The following MFNG variants were observed in gnomAD, a reference collection of about 807,000 sequenced individuals.
MFNG encodes beta-1,3-N-acetylglucosaminyltransferase manic fringe.
Under a neutral mutation model 34.2 loss-of-function variants are expected in MFNG, and 24 were observed. The observed-to-expected ratio is 0.70, with a 90% CI of 0.51 to 0.99. MFNG has a LOEUF of 0.99. Among genes scored for constraint, MFNG ranks in the 50% least tolerant of loss-of-function variants. The pLI is 0.00. For missense variants in MFNG, 383 were observed against 424.0 expected, an observed-to-expected ratio of 0.90 and a Z score of 0.85; for synonymous variants, 158 against 179.2, an observed-to-expected ratio of 0.88 and a Z score of 0.94.
At position 37,483,050 on chromosome 22, in the gene MFNG, C is replaced by T. The variant is rs959310651; in HGVS notation, c.256-2281G>A. On this transcript the variant is annotated intron_variant, in intron 1 of 7. Transcript: ENST00000356998. The surrounding 1 kb of genome is among the most constrained non-coding windows in gnomAD (Gnocchi z 4.5). ...ACTGTCAAATCCCCTGAAACCATGA[C>T]GTCTCCTGGGGGCTTAACACATCAA... Among the ~76,000 whole-genome samples, 5 of 152,166 alleles carry T rather than the reference C, an allele frequency of 3.3e-5. No individual in the cohort carries two copies. Among genetic ancestry groups the T allele is most frequent in the African/African-American group, 1.2e-4 (5 of 41,440 alleles).
Position 37,474,493 on chromosome 22 carries a change from GC to G in MFNG, c.813+18del, listed in dbSNP as rs779026614. 6.8e-6 allele frequency: 11 copies of G among 1,612,438 alleles called. No individual in the cohort carries two copies. The Admixed American group carries it at 1.7e-4, about 24-fold the overall frequency. ...TGGTTCCCCTTCCCATTTGCCACCT[GC>G]CCCCAAGGCCAGCTCACCTGTTCTG... On this transcript the variant is annotated intron_variant, in intron 6 of 7. Transcript: ENST00000356998.
At position 37,485,749 on chromosome 22, in the gene MFNG, CCG is replaced by C. The variant is rs1922518569; in HGVS notation, c.255+172_255+173del. Among the ~76,000 whole-genome samples the C allele has an allele frequency of 6.6e-6, 1 of 152,204 alleles. No homozygotes were observed. The highest frequency in any genetic ancestry group is 2.4e-5 in the African/African-American group (1 of 41,448). ...GGACCAGTACAGGGCACGGGCAGGG[CCG>C]CAGGCAGCCCCTAAAGCCCGGAAGA... On this transcript the variant is annotated intron_variant, in intron 1 of 7. Coordinates refer to ENST00000356998, the MANE Select transcript of MFNG (RefSeq NM_002405.4). The surrounding 1 kb of genome is among the most constrained non-coding windows in gnomAD (Gnocchi z 5.3).
chr22:37,470,015 T>C lies in MFNG; in HGVS notation c.914A>G (p.His305Arg), dbSNP rs890182866. The C allele has an allele frequency of 4.4e-6, 7 of 1,608,010 alleles. No homozygotes were observed. The highest frequency in any genetic ancestry group is 2.2e-5 in the East Asian group (1 of 44,632). The part of the protein sequence containing the change: ...EEDPSRFRSL[H>R]CLLYPDTPWC... ...GGGTGTATCTGGATAGAGCAGACAATGGAGGGAGCGAAATCTGCAGAGAGA... is the reference window on the plus strand; with the variant it reads ...GGGTGTATCTGGATAGAGCAGACAACGGAGGGAGCGAAATCTGCAGAGAGA... Residue 305 changes from histidine (H) to arginine (R), a missense_variant, in exon 8 of 8, where the codon CAT becomes CGT. By Grantham distance (29) the His-to-Arg change is conservative (BLOSUM62 0). Coordinates refer to ENST00000356998, the MANE Select transcript of MFNG (RefSeq NM_002405.4).
rs757417467 is a variant in MFNG, at chr22:37,480,773, G to A, written c.256-4C>T. 8.7e-6 allele frequency: 14 copies of A among 1,613,062 alleles called. No homozygotes were observed. The highest frequency in any genetic ancestry group is 1.2e-5 in the Non-Finnish European group (14 of 1,179,658). ...GGCTGTCGGTGAAGACAAATGTCTAGGAAGGAGAAGAAGGGGTCAGGACTC... is the reference window on the plus strand; with the variant it reads ...GGCTGTCGGTGAAGACAAATGTCTAAGAAGGAGAAGAAGGGGTCAGGACTC... On this transcript the variant is annotated splice_polypyrimidine_tract_variant and splice_region_variant and intron_variant, in intron 1 of 7. Coordinates refer to ENST00000356998, the MANE Select transcript of MFNG (RefSeq NM_002405.4).
intron 7 of MFNG, among the ~76,000 whole-genome samples, chr22:37,471,085 C>T (rs1049745559): frequency 6.6e-6 from 1 of 152,186 alleles, no homozygotes; most frequent in African/African-American, 2.4e-5. Context: ...CCTATACTGG[C>T]ATACTCACCC....
Position 37,485,588 on chromosome 22 carries a change from G to A in MFNG, c.255+335C>T, listed in dbSNP as rs1031295707. On this transcript the variant is annotated intron_variant, in intron 1 of 7. Transcript: ENST00000356998. This position sits in a 1 kb window ranked among gnomAD's most constrained non-coding sequence, Gnocchi z 5.3. ...ACCCCTGATGCCAGGCTGGGCCTGG[G>A]TGGCTAGGAGCGAAGCCCCCACGGG... is the stretch of plus-strand genomic sequence containing the variant. 2.6e-5 allele frequency among the ~76,000 whole-genome samples: 4 copies of A among 152,204 alleles called. No homozygotes were observed. Among genetic ancestry groups the A allele is most frequent in the African/African-American group, 7.2e-5 (3 of 41,464 alleles).
chr22:37,473,568 G>A (rs538863478), intron 6 of MFNG, among the ~76,000 whole-genome samples: 10 of 152,122 alleles, frequency 6.6e-5, no homozygotes, highest in Non-Finnish European at 1.0e-4. Context: ...CCATCCTAAT[G>A]GGACCAACCT....
intron 4 of MFNG, among the ~76,000 whole-genome samples, chr22:37,478,283 C>T (rs1021443242): frequency 1.2e-4 from 18 of 152,094 alleles, no homozygotes; most frequent in African/African-American, 3.9e-4. Flanking sequence ...AGGGACCTCC[C>T]GATCTGCCTT....
At chr22:37,480,505 G>C (rs2145735619) in intron 2 of MFNG, among the ~76,000 whole-genome samples, 1 of 152,292 alleles carries the variant, frequency 6.6e-6, no homozygotes, top group East Asian at 1.9e-4. Context: ...TGGGACTCAG[G>C]TGTCCAGGGC....
chr22:37,483,044 C>A lies in MFNG; in HGVS notation c.256-2275G>T, dbSNP rs1922373161. Among the ~76,000 whole-genome samples, 1 of 152,202 alleles carries A rather than the reference C, an allele frequency of 6.6e-6. No individual in the cohort carries two copies. The highest frequency in any genetic ancestry group is 6.5e-5 in the Admixed American group (1 of 15,282). ...CTCCAAACTGTCAAATCCCCTGAAA[C>A]CATGACGTCTCCTGGGGGCTTAACA... On this transcript the variant is annotated intron_variant, in intron 1 of 7. Transcript: ENST00000356998. This position sits in a 1 kb window ranked among gnomAD's most constrained non-coding sequence, Gnocchi z 4.5.
intron 6 of MFNG, among the ~76,000 whole-genome samples, chr22:37,473,165 C>T (rs540044188): frequency 1.3e-5 from 2 of 152,168 alleles, no homozygotes; most frequent in South Asian, 2.1e-4. Flanking sequence ...TGGCTGGGTG[C>T]GGTGGCTCAT....
chr22:37,474,157 G>A (rs866919734), intron 6 of MFNG, among the ~76,000 whole-genome samples: 2 of 152,348 alleles, frequency 1.3e-5, no homozygotes, highest in South Asian at 4.1e-4. Context: ...CGGGAGGAAT[G>A]TGGGGAGGAT....
chr22:37,472,080 C>T (rs1274487612), intron 7 of MFNG, among the ~76,000 whole-genome samples: 1 of 152,090 alleles, frequency 6.6e-6, no homozygotes. Flanking sequence ...AAAAATCCCC[C>T]ACCAGAGCCT....
At chr22:37,481,968 T>C (rs1390746034) in intron 1 of MFNG, among the ~76,000 whole-genome samples, 1 of 152,170 alleles carries the variant, frequency 6.6e-6, no homozygotes, top group Non-Finnish European at 1.5e-5. Context: ...AAAAGGGGGA[T>C]AGTAGTGGCT....
At chr22:37,481,986 T>C (rs946826114) in intron 1 of MFNG, among the ~76,000 whole-genome samples, 3 of 152,182 alleles carry the variant, frequency 2.0e-5, no homozygotes, top group Admixed American at 6.5e-5. Context: ...GCTGTGAGAA[T>C]AAAACAAGAT....
intron 7 of MFNG, among the ~76,000 whole-genome samples, chr22:37,471,506 C>T (rs1208372439): frequency 7.9e-5 from 12 of 152,104 alleles, no homozygotes; most frequent in Admixed American, 7.9e-4. Flanking sequence ...CTCCTCTCCA[C>T]CCCCATCCCG....
In MFNG at chr22:37,482,871, G is replaced by A. The variant is rs1439487834; in HGVS notation, c.256-2102C>T. On this transcript the variant is annotated intron_variant, in intron 1 of 7. Coordinates refer to ENST00000356998, the MANE Select transcript of MFNG (RefSeq NM_002405.4). The surrounding 1 kb of genome is among the most constrained non-coding windows in gnomAD (Gnocchi z 4.1). ...TGCTGGAGGTCTCTGGATTTCCGCA[G>A]GGGGAAATGGTGGTGGTCCAAGCCT... Among the ~76,000 whole-genome samples the A allele has an allele frequency of 6.6e-6, 1 of 152,154 alleles. No individual in the cohort carries two copies. The highest frequency in any genetic ancestry group is 2.4e-5 in the African/African-American group (1 of 41,432).
At position 37,485,771 on chromosome 22, in the gene MFNG, G is replaced by C; in HGVS notation, c.255+152C>G. 1 of 1,033,086 alleles carries C rather than the reference G, an allele frequency of 9.7e-7. No individual in the cohort carries two copies. The allele number at this position is 1,033,086 out of a possible 1,614,324, so 64.0% of individuals were successfully genotyped here. On this transcript the variant is annotated intron_variant, in intron 1 of 7. Coordinates refer to ENST00000356998, the MANE Select transcript of MFNG (RefSeq NM_002405.4). This position sits in a 1 kb window ranked among gnomAD's most constrained non-coding sequence, Gnocchi z 5.3. ...GGGCCGCAGGCAGCCCCTAAAGCCCGGAAGAAGGAGAGAGGAAGAGGATCC... is the reference window on the plus strand; with the variant it reads ...GGGCCGCAGGCAGCCCCTAAAGCCCCGAAGAAGGAGAGAGGAAGAGGATCC...
intron 7 of MFNG, among the ~76,000 whole-genome samples, chr22:37,470,442 G>A (rs994718678): frequency 1.3e-5 from 2 of 152,148 alleles, no homozygotes; most frequent in Non-Finnish European, 2.9e-5. Flanking sequence ...GACCCATTTG[G>A]CAGTAATCTA....
Sources: allele counts gnomAD v4.1 joint callset (sites outside exome capture counted in the v4.1 genomes callset), GRCh38; gene constraint gnomAD v4.1.1; non-coding constraint Gnocchi (gnomAD v3.1); transcripts MANE v1.5; gene names NCBI Gene and HGNC (gene_info 2026-07-23, HGNC 2026-07-21).